Variants in ATP2A2 observed in about 807,000 individuals in gnomAD.
The protein encoded by ATP2A2 is ATPase sarcoplasmic/endoplasmic reticulum Ca2+ transporting 2.
A neutral mutation model predicts 109.3 loss-of-function variants in ATP2A2; 14 were observed. The observed-to-expected ratio is 0.13, with a 90% CI of 0.08 to 0.20. The LOEUF (loss-of-function observed/expected upper bound fraction) is 0.20, where lower values mean the gene tolerates loss of function less well. ATP2A2 is among the 10% of genes least tolerant of loss of function. ATP2A2 has a pLI of 1.00. For missense variants in ATP2A2, 657 were observed against 1,321.6 expected, an observed-to-expected ratio of 0.50 and a Z score of 7.80; for synonymous variants, 506 against 490.9, an observed-to-expected ratio of 1.03 and a Z score of -0.41.
chr12:110,333,127 G>A, intron 9 of ATP2A2, 54 bp from the exon 10 acceptor site: 1 of 1,446,470 alleles, frequency 6.9e-7, no homozygotes, highest in Non-Finnish European at 9.7e-7. Context: ...GGGGGCGGGA[G>A]GAATCAATAG....
In ATP2A2 at chr12:110,309,557, G is replaced by T. The variant is rs184295390; in HGVS notation, c.463+12820G>T. ...TGCTAATGTGAGTCTTAAGTATCTA[G>T]AACACAAGAGCCAAATGAAATTGAT... is the stretch of plus-strand genomic sequence containing the variant. On this transcript the variant is annotated intron_variant, in intron 5 of 19. Coordinates refer to ENST00000539276, the MANE Select transcript of ATP2A2 (RefSeq NM_170665.4). Among the ~76,000 whole-genome samples, 16 of 152,190 alleles carry T rather than the reference G, an allele frequency of 1.1e-4. No homozygotes were observed. The East Asian group carries it at 2.9e-3, about 27-fold the overall frequency.
Position 110,343,215 on chromosome 12 carries a change from T to G in ATP2A2, c.2319-17T>G. 1 of 1,613,180 alleles carries G rather than the reference T, an allele frequency of 6.2e-7. No individual in the cohort carries two copies. The highest frequency in any genetic ancestry group is 8.5e-7 in the Non-Finnish European group (1 of 1,179,468). On this transcript the variant is annotated splice_polypyrimidine_tract_variant and intron_variant, in intron 15 of 19. Coordinates refer to ENST00000539276, the MANE Select transcript of ATP2A2 (RefSeq NM_170665.4). ...TCATTTGGGCTCTCTTTGTCTTCTT[T>G]TCTTGATTGGAAACAGTATTTTCCT...
rs1228855123 is a variant in ATP2A2, at chr12:110,338,392, C to G, written c.1420-889C>G. ...ACAGCTCTGCTTGGGGCCATCTCTT[C>G]ACCTCCAACGTTCCCTAGTTTAAGT... On this transcript the variant is annotated intron_variant, in intron 11 of 19. Coordinates refer to ENST00000539276, the MANE Select transcript of ATP2A2 (RefSeq NM_170665.4). 3.3e-5 allele frequency among the ~76,000 whole-genome samples: 5 copies of G among 152,198 alleles called. No individual in the cohort carries two copies. The East Asian group carries it at 9.6e-4, about 29-fold the overall frequency.
intron 14 of ATP2A2, 101 bp downstream of exon 14, chr12:110,341,095 GA>G (rs2137857391): frequency 7.8e-7 from 1 of 1,289,472 alleles, no homozygotes; most frequent in East Asian, 2.5e-5. Flanking sequence ...CCCTAATTTG[GA>G]ATTTGTCATG....
intron 5 of ATP2A2, among the ~76,000 whole-genome samples, chr12:110,313,532 C>G (rs1359466287): frequency 6.6e-6 from 1 of 151,320 alleles, no homozygotes; most frequent in Non-Finnish European, 1.5e-5. Flanking sequence ...CCAGGCTGGT[C>G]TCAAACTCCT....
intron 5 of ATP2A2, among the ~76,000 whole-genome samples, chr12:110,302,896 CTAT>C (rs559941154): frequency 6.6e-6 from 1 of 152,116 alleles, no homozygotes; most frequent in African/African-American, 2.4e-5. Flanking sequence ...CGTGCCTGGC[CTAT>C]TATTATTTTA....
rs768532969 is a variant in ATP2A2 at position 110,345,371 on chromosome 12, C to T, written c.2730C>T (p.Asn910=). ...LSVLVTIEMC[N]ALNSLSENQS... ...TTCTAGTAACTATAGAAATGTGTAA[C>T]GCCCTCAACAGGTTAGTGCACCTTC... Residue 910 remains asparagine, a synonymous_variant, in exon 18 of 20, where the codon AAC becomes AAT. Coordinates refer to ENST00000539276, the MANE Select transcript of ATP2A2 (RefSeq NM_170665.4). The T allele has an allele frequency of 5.6e-6, 9 of 1,614,080 alleles. 1 individual carries two copies. In the African/African-American group the frequency reaches 6.7e-5, roughly 12 times the overall value.
chr12:110,283,589 TTTTTTC>T (rs1160368488), intron 3 of ATP2A2, among the ~76,000 whole-genome samples: 1 of 152,228 alleles, frequency 6.6e-6, no homozygotes, highest in Non-Finnish European at 1.5e-5. Context: ...TTGTTGCATT[TTTTTTC>T]TTGGGCAGTA....
At chr12:110,316,371 AGT>A (rs1300679982) in intron 5 of ATP2A2, among the ~76,000 whole-genome samples, 2 of 152,230 alleles carry the variant, frequency 1.3e-5, no homozygotes, top group African/African-American at 2.4e-5. Flanking sequence ...TTTTGGTTTT[AGT>A]CTAAACGTAG....
chr12:110,330,019 A>G (rs1429451825), intron 8 of ATP2A2: 2 of 152,242 alleles, frequency 1.3e-5, no homozygotes, highest in Non-Finnish European at 1.5e-5. Context: ...TTAGATTACA[A>G]AACTAATGTC....
chr12:110,289,587 C>G (rs1190446646), intron 3 of ATP2A2, among the ~76,000 whole-genome samples: 2 of 152,136 alleles, frequency 1.3e-5, no homozygotes, highest in Non-Finnish European at 2.9e-5. Context: ...CCTGCTCAAA[C>G]AGATATTTCT....
chr12:110,346,294 T>G lies in ATP2A2; in HGVS notation c.2953T>G (p.Phe985Val). The change falls in exon 20 of 20, where the codon TTT becomes GTT. Residue 985 changes from phenylalanine to valine, a missense_variant. This residue lies in a region of ATP2A2 where 125 missense variants were observed against 243.5 expected (regional missense o/e 0.51). Coordinates refer to ENST00000539276, the MANE Select transcript of ATP2A2 (RefSeq NM_170665.4). ...PVILMDETLK[F>V]VARNYLEPGK... is the part of the protein sequence containing the mutation. ...GATTCTCATGGATGAGACGCTCAAG[T>G]TTGTGGCCCGCAACTACCTGGAACC... 6.2e-7 allele frequency: 1 copy of G among 1,614,088 alleles called. No individual in the cohort carries two copies. Among genetic ancestry groups the G allele is most frequent in the Non-Finnish European group, 8.5e-7 (1 of 1,180,000 alleles).
chr12:110,346,234 C>G lies in ATP2A2; in HGVS notation c.2893C>G (p.Gln965Glu). The change falls in exon 20 of 20, where the codon CAG becomes GAG. Residue 965 changes from glutamine to glutamate, a missense_variant. Physicochemically the swap from Gln to Glu is conservative, Grantham distance 29 (BLOSUM62 2). Around this residue, in one of 9 missense-constraint regions of ATP2A2, gnomAD observed 125 missense variants for 243.5 expected, o/e 0.51. Coordinates refer to ENST00000539276, the MANE Select transcript of ATP2A2 (RefSeq NM_170665.4). ...CCAGATCACACCGCTGAACGTGACC[C>G]AGTGGCTGATGGTGCTGAAAATCTC... ...IFQITPLNVT[Q>E]WLMVLKISLP... 6.2e-7 allele frequency: 1 copy of G among 1,614,054 alleles called. No individual in the cohort carries two copies. Among genetic ancestry groups the G allele is most frequent in the East Asian group, 2.2e-5 (1 of 44,886 alleles).
chr12:110,288,770 T>C (rs748483293), intron 3 of ATP2A2, among the ~76,000 whole-genome samples: 2 of 152,234 alleles, frequency 1.3e-5, no homozygotes, highest in African/African-American at 2.4e-5. Context: ...CCCAGTTCCT[T>C]GTATAAGTAT....
At chr12:110,345,833 A>C in intron 18 of ATP2A2, 168 bp from the exon 19 acceptor site, 1 of 727,380 alleles carries the variant, frequency 1.4e-6, no homozygotes, top group Non-Finnish European at 2.4e-6. Flanking sequence ...TTTGTCCTGC[A>C]TTAGGACATT....
intron 4 of ATP2A2, among the ~76,000 whole-genome samples, chr12:110,293,560 AACTT>A (rs1484729304): frequency 6.7e-6 from 1 of 150,322 alleles, no homozygotes; most frequent in African/African-American, 2.5e-5. Context: ...ATGCCCAGCT[AACTT>A]ACTTACTTTT....
chr12:110,334,215 G>A (rs1023863174), intron 11 of ATP2A2, 72 bp downstream of exon 11: 19 of 1,573,102 alleles, frequency 1.2e-5, no homozygotes, highest in Non-Finnish European at 1.7e-5. Context: ...TGTCTGCACT[G>A]TCCTACTCTC....
intron 3 of ATP2A2, among the ~76,000 whole-genome samples, chr12:110,284,439 AC>A (rs1219971043): frequency 2.3e-4 from 35 of 152,226 alleles, no homozygotes; most frequent in African/African-American, 8.2e-4. Context: ...TCTCTGTGTT[AC>A]AAGTTGAAGC....
At chr12:110,334,906 C>T (rs1227580955) in intron 11 of ATP2A2, among the ~76,000 whole-genome samples, 1 of 152,136 alleles carries the variant, frequency 6.6e-6, no homozygotes, top group Non-Finnish European at 1.5e-5. Flanking sequence ...TTTCTTAACT[C>T]ATTTGATGAG....
Sources: gnomAD v4.1 joint callset for allele counts (sites outside exome capture counted in the v4.1 genomes callset) on GRCh38, gnomAD v4.1.1 for gene constraint, gnomAD v4.1.1 regional missense constraint, MANE v1.5 for transcripts, NCBI Gene and HGNC (gene_info 2026-07-23, HGNC 2026-07-21) for gene names.